Variants in DOCK8 observed in about 807,000 individuals in gnomAD.
The protein encoded by DOCK8 is dedicator of cytokinesis protein 8.
A neutral mutation model predicts 245.6 loss-of-function variants in DOCK8; 141 were observed. The observed-to-expected ratio is 0.57, with a 90% CI of 0.50 to 0.66. The LOEUF is 0.66. DOCK8 is among the 30% of genes least tolerant of loss of function. The pLI, the probability that DOCK8 is intolerant of heterozygous loss-of-function variation, is 0.00. For missense variants in DOCK8, 2,965 were observed against 2,603.4 expected, an observed-to-expected ratio of 1.14 and a Z score of -3.02; for synonymous variants, 1,168 against 970.2, an observed-to-expected ratio of 1.20 and a Z score of -3.79.
In DOCK8 at chr9:271,721, C is replaced by G. The variant is rs1045835531; in HGVS notation, c.148C>G (p.Leu50Val). Residue 50 changes from leucine (L) to valine (V), a missense_variant, in exon 2 of 48, where the codon CTT (leucine) becomes GTT (valine). By Grantham distance (32) the Leu-to-Val change is conservative (BLOSUM62 1). Coordinates refer to ENST00000432829, the MANE Select transcript of DOCK8 (RefSeq NM_203447.4). ...QSISTSGFPS[L>V]QLPQFYDPVE... ...CATAAGTACCTCTGGCTTCCCCTCT[C>G]TTCAACTAGTAAGTATGAGTTCCAG... 6.4e-7 allele frequency: 1 copy of G among 1,550,622 alleles called. No homozygotes were observed.
chr9:220,163 C>G (rs2046850480), intron 1 of DOCK8, among the ~76,000 whole-genome samples: 2 of 152,150 alleles, frequency 1.3e-5, no homozygotes, highest in South Asian at 4.1e-4. Context: ...AACAGAGGGG[C>G]TTGGGCAATC....
chr9:258,770 G>A (rs2047843191), intron 1 of DOCK8, among the ~76,000 whole-genome samples: 1 of 151,742 alleles, frequency 6.6e-6, no homozygotes, highest in Admixed American at 6.6e-5. Context: ...GATAATTTTT[G>A]TATTTTTAGT....
At chr9:418,555 A>G (rs1326655043) in intron 30 of DOCK8, among the ~76,000 whole-genome samples, 1 of 152,246 alleles carries the variant, frequency 6.6e-6, no homozygotes, top group Non-Finnish European at 1.5e-5. Flanking sequence ...GGCGTGAGCC[A>G]CTGTGCCCAG....
intron 24 of DOCK8, among the ~76,000 whole-genome samples, chr9:395,094 CT>C (rs2054384127): frequency 6.6e-6 from 1 of 152,184 alleles, no homozygotes; most frequent in South Asian, 2.1e-4. Flanking sequence ...GAGAGAGAGG[CT>C]TTTTTCGGAC....
chr9:221,764 G>C (rs146142340), intron 1 of DOCK8, among the ~76,000 whole-genome samples: 9 of 151,840 alleles, frequency 5.9e-5, no homozygotes, highest in African/African-American at 2.2e-4. Flanking sequence ...GGAAGTTGCA[G>C]TGAGCCGAGA....
chr9:462,463 A>G (rs988106952), intron 46 of DOCK8, among the ~76,000 whole-genome samples: 18 of 152,146 alleles, frequency 1.2e-4, no homozygotes, highest in African/African-American at 4.3e-4. Flanking sequence ...ACCCTCTTTC[A>G]TAGATGGGAT....
At chr9:278,334 A>G (rs546102822) in intron 2 of DOCK8, among the ~76,000 whole-genome samples, 1 of 152,374 alleles carries the variant, frequency 6.6e-6, no homozygotes, top group Non-Finnish European at 1.5e-5. Flanking sequence ...CAGAAGCTAG[A>G]AGAACTTTAC....
At chr9:325,568 A>T in intron 7 of DOCK8, 103 bp from the exon 8 acceptor site, 1 of 942,226 alleles carries the variant, frequency 1.1e-6, no homozygotes, top group Non-Finnish European at 1.7e-6. Context: ...ATATTTCGGG[A>T]AACTGCTCAT....
intron 5 of DOCK8, among the ~76,000 whole-genome samples, chr9:305,538 G>A (rs1288245839): frequency 2.6e-5 from 4 of 152,170 alleles, no homozygotes; most frequent in African/African-American, 4.8e-5. Flanking sequence ...GCCCGCCTCG[G>A]CCTCCCAAAG....
At chr9:234,526 A>T (rs1334262396) in intron 1 of DOCK8, among the ~76,000 whole-genome samples, 1 of 152,182 alleles carries the variant, frequency 6.6e-6, no homozygotes, top group Non-Finnish European at 1.5e-5. Context: ...TGTCACTTTC[A>T]GGTACACCAA....
intron 46 of DOCK8, among the ~76,000 whole-genome samples, chr9:453,817 A>G (rs192191766): frequency 3.3e-5 from 5 of 151,942 alleles, no homozygotes; most frequent in African/African-American, 1.2e-4. Flanking sequence ...GCTTAAAAAA[A>G]TTTTTTTTCA....
chr9:420,889 C>G, intron 31 of DOCK8, 60 bp from the exon 32 acceptor site: 1 of 1,603,738 alleles, frequency 6.2e-7, no homozygotes, highest in Non-Finnish European at 8.5e-7. Context: ...GTTTTGGTAA[C>G]TCTCCCCATC....
intron 16 of DOCK8, among the ~76,000 whole-genome samples, chr9:370,666 G>T (rs570859840): frequency 6.6e-6 from 1 of 152,164 alleles, no homozygotes; most frequent in Non-Finnish European, 1.5e-5. Context: ...GTCCCTGTCC[G>T]CTCCACTTGA....
intron 24 of DOCK8, among the ~76,000 whole-genome samples, chr9:396,316 G>A (rs575207944): frequency 3.9e-5 from 6 of 152,264 alleles, no homozygotes; most frequent in African/African-American, 1.4e-4. Flanking sequence ...ACTCAAGATA[G>A]GAGGAACATT....
chr9:230,555 G>A (rs370638251), intron 1 of DOCK8, among the ~76,000 whole-genome samples: 126 of 151,908 alleles, frequency 8.3e-4, no homozygotes, highest in South Asian at 2.3e-3. Flanking sequence ...CATCCTCTCC[G>A]GCACCTGTTG....
At chr9:232,683 A>G (rs924520648) in intron 1 of DOCK8, among the ~76,000 whole-genome samples, 6 of 151,874 alleles carry the variant, frequency 4.0e-5, no homozygotes, top group Middle Eastern at 3.2e-3. Flanking sequence ...TTTATTTGCA[A>G]AGAGGTGTTT....
intron 1 of DOCK8, among the ~76,000 whole-genome samples, chr9:264,970 C>G (rs1445298599): frequency 6.6e-6 from 1 of 152,160 alleles, no homozygotes; most frequent in African/African-American, 2.4e-5. Flanking sequence ...TCGCTCTTGT[C>G]CCCCAGGCTG....
At chr9:341,305 C>T (rs1275570783) in intron 14 of DOCK8, among the ~76,000 whole-genome samples, 1 of 152,208 alleles carries the variant, frequency 6.6e-6, no homozygotes, top group African/African-American at 2.4e-5. Context: ...TATGGTGGCA[C>T]CTGACCTATT....
chr9:423,072 A>G (rs2056341764), intron 33 of DOCK8, among the ~76,000 whole-genome samples: 1 of 151,944 alleles, frequency 6.6e-6, no homozygotes, highest in Non-Finnish European at 1.5e-5. Flanking sequence ...TTACCAAAAT[A>G]TTAATTGCGG....
Sources: allele counts gnomAD v4.1 joint callset (sites outside exome capture counted in the v4.1 genomes callset), GRCh38; gene constraint gnomAD v4.1.1; transcripts MANE v1.5; gene names NCBI Gene and HGNC (gene_info 2026-07-23, HGNC 2026-07-21).